The following SLCO6A1 variants were observed in gnomAD, a reference collection of about 807,000 sequenced individuals.
The protein encoded by SLCO6A1 is cancer/testis antigen 48.
Under a neutral mutation model 72.7 loss-of-function variants are expected in SLCO6A1, and 65 were observed. The ratio of observed to expected loss-of-function variants is 0.89; its 90% CI spans 0.73 to 1.10. The LOEUF (loss-of-function observed/expected upper bound fraction) is 1.10. SLCO6A1 is among the 50% of genes least tolerant of loss of function. The probability of loss-of-function intolerance (pLI) is 0.00; values close to 1 mark genes in which losing one functional copy is unlikely to be tolerated. For synonymous variants in SLCO6A1, 314 were observed against 298.2 expected, an observed-to-expected ratio of 1.05 and a Z score of -0.55; for missense variants, 874 against 872.6, an observed-to-expected ratio of 1.00 and a Z score of -0.02.
intron 7 of SLCO6A1, among the ~76,000 whole-genome samples, chr5:102,437,100 C>A (rs889063943): frequency 6.6e-6 from 1 of 152,112 alleles, no homozygotes; most frequent in Non-Finnish European, 1.5e-5. Context: ...CTTACTGAAG[C>A]CATCTTTATG....
At chr5:102,414,096 A>G (rs1010283372) in intron 8 of SLCO6A1, among the ~76,000 whole-genome samples, 1 of 152,112 alleles carries the variant, frequency 6.6e-6, no homozygotes, top group African/African-American at 2.4e-5. Context: ...GTTTCAATTT[A>G]TCAATTCATT....
At position 102,498,658 on chromosome 5, in the gene SLCO6A1, C is replaced by T. The variant is rs1023882763; in HGVS notation, c.187G>A (p.Gly63Ser). 1.2e-6 allele frequency: 2 copies of T among 1,614,220 alleles called. No individual in the cohort carries two copies. Among genetic ancestry groups the T allele is most frequent in the Non-Finnish European group, 1.7e-6 (2 of 1,180,032 alleles). ...LLPEALIRFG[G>S]FRKRKKAKSS... ...TTGGCTTTTTTCCTTTTTCGGAAAC[C>T]GCCGAACCTTATCAAGGCCTCTGGA... The change falls in exon 1 of 14, where the codon GGT (glycine) becomes AGT (serine). Residue 63 changes from glycine to serine, a missense_variant. Transcript: ENST00000506729.
intron 1 of SLCO6A1, among the ~76,000 whole-genome samples, chr5:102,488,222 G>A (rs1053965422): frequency 1.3e-5 from 2 of 151,856 alleles, no homozygotes; most frequent in Non-Finnish European, 2.9e-5. Flanking sequence ...CTGACATAGG[G>A]TTAAATAAAT....
At chr5:102,464,269 TA>T (rs1424413996) in intron 4 of SLCO6A1, among the ~76,000 whole-genome samples, 1 of 152,162 alleles carries the variant, frequency 6.6e-6, no homozygotes, top group African/African-American at 2.4e-5. Context: ...TATTTGATGA[TA>T]AAAAACTTTT....
intron 10 of SLCO6A1, among the ~76,000 whole-genome samples, chr5:102,395,364 A>C (rs1747012266): frequency 6.6e-6 from 1 of 152,184 alleles, no homozygotes; most frequent in African/African-American, 2.4e-5. Flanking sequence ...TACAAAGGAC[A>C]TGAACTCATC....
At chr5:102,389,659 GACT>G (rs1388883691) in intron 11 of SLCO6A1, among the ~76,000 whole-genome samples, 1 of 151,562 alleles carries the variant, frequency 6.6e-6, no homozygotes, top group Admixed American at 6.6e-5. Context: ...AAAAACAATT[GACT>G]ACTATTCATT....
chr5:102,433,586 G>A (rs1368908600), intron 7 of SLCO6A1, among the ~76,000 whole-genome samples: 1 of 152,174 alleles, frequency 6.6e-6, no homozygotes, highest in Non-Finnish European at 1.5e-5. Context: ...ACCAGTATTG[G>A]GCACTGGCTT....
intron 3 of SLCO6A1, among the ~76,000 whole-genome samples, chr5:102,477,048 T>C (rs1315827541): frequency 6.6e-6 from 1 of 152,152 alleles, no homozygotes; most frequent in Non-Finnish European, 1.5e-5. Context: ...TAAGTATATA[T>C]ACACATATAT....
At chr5:102,480,864 C>T (rs531512867) in intron 1 of SLCO6A1, among the ~76,000 whole-genome samples, 3 of 152,160 alleles carry the variant, frequency 2.0e-5, no homozygotes, top group Non-Finnish European at 4.4e-5. Flanking sequence ...TTGTCTCCCT[C>T]CCCTCCATAA....
chr5:102,415,335 G>A (rs527868378), intron 8 of SLCO6A1, among the ~76,000 whole-genome samples: 15 of 152,184 alleles, frequency 9.9e-5, no homozygotes, highest in African/African-American at 3.6e-4. Context: ...AACCAAAACA[G>A]CATTGTAGTG....
chr5:102,476,706 T>A (rs1038104428), intron 3 of SLCO6A1, among the ~76,000 whole-genome samples: 4 of 152,006 alleles, frequency 2.6e-5, no homozygotes, highest in African/African-American at 9.7e-5. Flanking sequence ...ACATGAAATA[T>A]ATTTAATATA....
intron 4 of SLCO6A1, among the ~76,000 whole-genome samples, chr5:102,460,417 G>A (rs1446908661): frequency 6.6e-6 from 1 of 152,036 alleles, no homozygotes; most frequent in Non-Finnish European, 1.5e-5. Context: ...AGGTGATATT[G>A]GAAAGTCGAG....
intron 6 of SLCO6A1, among the ~76,000 whole-genome samples, chr5:102,442,211 A>T (rs977863422): frequency 2.6e-5 from 4 of 152,176 alleles, no homozygotes; most frequent in African/African-American, 9.7e-5. Context: ...AGGAAGTATT[A>T]TATTACACTA....
At chr5:102,459,323 G>A (rs1750901596) in intron 5 of SLCO6A1, among the ~76,000 whole-genome samples, 1 of 152,104 alleles carries the variant, frequency 6.6e-6, no homozygotes. Flanking sequence ...CTGGAGGTGA[G>A]GCAGGAGGAT....
intron 4 of SLCO6A1, among the ~76,000 whole-genome samples, chr5:102,464,277 T>G (rs187477719): frequency 2.0e-5 from 3 of 152,274 alleles, no homozygotes; most frequent in South Asian, 4.1e-4. Context: ...GATAAAAAAC[T>G]TTTAAAGTTT....
chr5:102,386,002 T>C (rs78458738), intron 12 of SLCO6A1, among the ~76,000 whole-genome samples: 2,723 of 152,216 alleles, frequency 0.018, 77 homozygotes, highest in African/African-American at 0.061. Flanking sequence ...AATCAGTTAC[T>C]GGTGTTTTAT....
intron 1 of SLCO6A1, among the ~76,000 whole-genome samples, chr5:102,485,164 TC>T (rs1202530266): frequency 6.6e-6 from 1 of 151,956 alleles, no homozygotes; most frequent in African/African-American, 2.4e-5. Flanking sequence ...GGCAGGAGAA[TC>T]GTTTGAACCT....
In SLCO6A1 at chr5:102,498,948, C is replaced by A; in HGVS notation, c.-104G>T. 8.8e-7 allele frequency: 1 copy of A among 1,131,824 alleles called. No homozygotes were observed. Among genetic ancestry groups the A allele is most frequent in the Non-Finnish European group, 1.3e-6 (1 of 798,546 alleles). 70.1% of individuals were successfully genotyped at this position (1,131,824 alleles called of 1,614,324 possible). ...AGCCTGGCGAGGGCGTCGGAGGACT[C>A]GGTGGCCACAAGGGGCTCTTGCCGC... On this transcript the variant is annotated 5_prime_UTR_variant, in exon 1 of 14. Coordinates refer to ENST00000506729, the MANE Select transcript of SLCO6A1 (RefSeq NM_173488.5).
intron 7 of SLCO6A1, among the ~76,000 whole-genome samples, chr5:102,422,966 A>G (rs1748689033): frequency 6.6e-6 from 1 of 152,242 alleles, no homozygotes; most frequent in African/African-American, 2.4e-5. Flanking sequence ...GTGGGGGCCA[A>G]TATTCAACAT....
Sources: allele counts gnomAD v4.1 joint callset (sites outside exome capture counted in the v4.1 genomes callset), GRCh38; gene constraint gnomAD v4.1.1; transcripts MANE v1.5; gene names NCBI Gene and HGNC (gene_info 2026-07-23, HGNC 2026-07-21).